The following MTX2 variants were observed in gnomAD, a reference collection of about 807,000 sequenced individuals.
MTX2 encodes the protein metaxin 2.
In MTX2, 35 loss-of-function variants were observed where a neutral mutation model predicts 42.3. The ratio of observed to expected loss-of-function variants is 0.83; its 90% confidence interval spans 0.63 to 1.10. MTX2 has a LOEUF of 1.10. Among genes scored for constraint, MTX2 ranks in the 50% least tolerant of loss-of-function variants. The pLI is 0.00. For synonymous variants in MTX2, 119 were observed against 100.9 expected (o/e 1.18, Z -1.08); for missense variants, 307 against 304.1 (o/e 1.01, Z -0.07).
At chr2:176,275,109 G>C (rs1692917012) in intron 1 of MTX2, among the ~76,000 whole-genome samples, 1 of 152,124 alleles carries the variant, frequency 6.6e-6, no homozygotes, top group South Asian at 2.1e-4. Context: ...CTGTTCAGTA[G>C]TTTTTTGGAA....
chr2:176,274,596 G>T (rs2105392581), intron 1 of MTX2, among the ~76,000 whole-genome samples: 1 of 152,230 alleles, frequency 6.6e-6, no homozygotes. Flanking sequence ...ACATGGCAAA[G>T]AATTGGCTCT....
chr2:176,312,215 A>G (rs575547765), intron 3 of MTX2, among the ~76,000 whole-genome samples: 91 of 152,242 alleles, frequency 6.0e-4, no homozygotes, highest in African/African-American at 2.1e-3. Context: ...CAAAATGCTA[A>G]TTTTTGCTAT....
chr2:176,298,145 G>A (rs1387743984), intron 3 of MTX2, among the ~76,000 whole-genome samples: 1 of 150,436 alleles, frequency 6.6e-6, no homozygotes, highest in Non-Finnish European at 1.5e-5. Context: ...TCACTTTTAT[G>A]TGGTAGGCAC....
At chr2:176,282,281 A>G (rs1693099335) in intron 1 of MTX2, among the ~76,000 whole-genome samples, 1 of 151,868 alleles carries the variant, frequency 6.6e-6, no homozygotes, top group East Asian at 1.9e-4. Context: ...ATAAGTAACA[A>G]TTCTTGCCTT....
chr2:176,286,516 T>C (rs956827932), intron 1 of MTX2, among the ~76,000 whole-genome samples: 3 of 152,076 alleles, frequency 2.0e-5, no homozygotes, highest in African/African-American at 7.2e-5. Context: ...GGTATTCTAC[T>C]GTCCTCATTC....
chr2:176,328,535 A>C, intron 6 of MTX2, 150 bp downstream of exon 6: 1 of 562,136 alleles, frequency 1.8e-6, no homozygotes, highest in South Asian at 3.4e-5. Flanking sequence ...TTTGATTATT[A>C]CCTTTGAACA....
At chr2:176,275,871 A>G (rs1229348313) in intron 1 of MTX2, among the ~76,000 whole-genome samples, 1 of 152,130 alleles carries the variant, frequency 6.6e-6, no homozygotes, top group Non-Finnish European at 1.5e-5. Flanking sequence ...TACACAAAAG[A>G]AGGGAGAGAG....
intron 1 of MTX2, among the ~76,000 whole-genome samples, chr2:176,284,012 G>A (rs946895220): frequency 1.3e-5 from 2 of 151,492 alleles, no homozygotes; most frequent in African/African-American, 4.9e-5. Flanking sequence ...AAAAGTTTGA[G>A]TAACAATTAC....
chr2:176,316,530 T>C lies in MTX2; in HGVS notation c.136-6862T>C, dbSNP rs190994510. Reference sequence around the variant, plus strand: ...GATTCTCCCACCTCAGCCTCCCAAGTAGCTGGGACTACAGGCACACACCAT... The same window carrying C: ...GATTCTCCCACCTCAGCCTCCCAAGCAGCTGGGACTACAGGCACACACCAT... On this transcript the variant is annotated intron_variant, in intron 3 of 9. Coordinates refer to ENST00000249442, the MANE Select transcript of MTX2 (RefSeq NM_006554.5). Among the ~76,000 whole-genome samples, 1,117 of 152,178 alleles carry C rather than the reference T, an allele frequency of 7.3e-3. 5 individuals carry two copies. The highest frequency in any genetic ancestry group is 0.011 in the Non-Finnish European group (743 of 67,990).
chr2:176,274,719 C>A (rs914444922), intron 1 of MTX2, among the ~76,000 whole-genome samples: 1 of 152,130 alleles, frequency 6.6e-6, no homozygotes, highest in African/African-American at 2.4e-5. Flanking sequence ...AGTGTCTGAT[C>A]CCAGGGAGGA....
chr2:176,277,940 G>A (rs1225757099), intron 1 of MTX2, among the ~76,000 whole-genome samples: 1 of 151,038 alleles, frequency 6.6e-6, no homozygotes, highest in Non-Finnish European at 1.5e-5. Flanking sequence ...GCAAAATAGT[G>A]ACAAAATAGG....
At chr2:176,297,803 C>G in intron 2 of MTX2, 46 bp from the exon 3 acceptor site, 1 of 1,315,598 alleles carries the variant, frequency 7.6e-7, no homozygotes, top group South Asian at 1.7e-5. Flanking sequence ...AATAAAAATA[C>G]TATATTCTAC....
intron 3 of MTX2, among the ~76,000 whole-genome samples, chr2:176,319,796 A>C (rs1684533507): frequency 6.6e-6 from 1 of 151,908 alleles, no homozygotes; most frequent in Admixed American, 6.6e-5. Context: ...GGCTGGTCTC[A>C]AACTCCTGAG....
chr2:176,306,698 G>A (rs188418194), intron 3 of MTX2, among the ~76,000 whole-genome samples: 159 of 152,196 alleles, frequency 1.0e-3, no homozygotes, highest in African/African-American at 3.3e-3. Context: ...TATTGGCTGC[G>A]TAGATGTCTT....
chr2:176,302,594 G>T (rs558758570), intron 3 of MTX2, among the ~76,000 whole-genome samples: 5 of 152,004 alleles, frequency 3.3e-5, no homozygotes, highest in Non-Finnish European at 7.4e-5. Context: ...GTGCCACCAA[G>T]CCCAGCTATT....
intron 4 of MTX2, among the ~76,000 whole-genome samples, chr2:176,324,330 G>T (rs1310512992): frequency 6.6e-6 from 1 of 151,230 alleles, no homozygotes; most frequent in Non-Finnish European, 1.5e-5. Context: ...TTGTTAAAAG[G>T]TATGAAGACA....
intron 4 of MTX2, among the ~76,000 whole-genome samples, chr2:176,326,128 C>T (rs2105442277): frequency 6.6e-6 from 1 of 151,738 alleles, no homozygotes; most frequent in Admixed American, 6.6e-5. Context: ...CTAATAATTC[C>T]AAGTATTAGT....
At chr2:176,283,774 A>G (rs1358388520) in intron 1 of MTX2, among the ~76,000 whole-genome samples, 1 of 152,202 alleles carries the variant, frequency 6.6e-6, no homozygotes, top group Non-Finnish European at 1.5e-5. Context: ...AGATTTAGAG[A>G]ACCATTAAAC....
Position 176,302,671 on chromosome 2 carries a change from C to G in MTX2, c.135+4776C>G, listed in dbSNP as rs1684052743. Among the ~76,000 whole-genome samples, 3 of 152,096 alleles carry G rather than the reference C, an allele frequency of 2.0e-5. No homozygotes were observed. The South Asian group carries it at 6.2e-4, about 32-fold the overall frequency. ...CAGGGTGATCTTGAACTCCTGACCT[C>G]AAATGATCCACCCATCTCAGCCTCC... On this transcript the variant is annotated intron_variant, in intron 3 of 9. Coordinates refer to ENST00000249442, the MANE Select transcript of MTX2 (RefSeq NM_006554.5).
Sources: allele counts gnomAD v4.1 joint callset (sites outside exome capture counted in the v4.1 genomes callset), GRCh38; gene constraint gnomAD v4.1.1; transcripts MANE v1.5; gene names NCBI Gene and HGNC (gene_info 2026-07-23, HGNC 2026-07-21).